Variants in ZNF532 observed in about 807,000 individuals in gnomAD.
ZNF532 encodes zinc finger protein 532.
A neutral mutation model predicts 89.3 loss-of-function variants in ZNF532; 22 were observed. The ratio of observed to expected loss-of-function variants is 0.25; its 90% CI spans 0.18 to 0.35. The LOEUF (loss-of-function observed/expected upper bound fraction) is 0.35, where lower values mean the gene tolerates loss of function less well. Among genes scored for constraint, ZNF532 ranks in the 10% least tolerant of loss-of-function variants. The pLI is 1.00. For missense variants in ZNF532, 1,132 were observed against 1,643.4 expected, an observed-to-expected ratio of 0.69 and a Z score of 5.38; for synonymous variants, 606 against 649.6, an observed-to-expected ratio of 0.93 and a Z score of 1.02.
intron 2 of ZNF532, among the ~76,000 whole-genome samples, chr18:58,889,512 A>G (rs777172227): frequency 1.3e-5 from 2 of 152,132 alleles, no homozygotes; most frequent in Non-Finnish European, 2.9e-5. Flanking sequence ...AGAAATACAA[A>G]CTCTTGGCCG....
intron 4 of ZNF532, among the ~76,000 whole-genome samples, 184 bp from the exon 5 acceptor site, chr18:58,939,246 CAAAAAAAAAAAAAAA>C (rs71336307): frequency 0.013 from 445 of 34,546 alleles, 14 homozygotes; most frequent in African/African-American, 0.039. Flanking sequence ...GACGTTGTCT[CAAAAAAAAAAAAAAA>C]AAAAAAAAAA....
chr18:58,950,993 G>T (rs1157796883), intron 6 of ZNF532, among the ~76,000 whole-genome samples: 1 of 149,984 alleles, frequency 6.7e-6, no homozygotes, highest in Non-Finnish European at 1.5e-5. Context: ...GTCTCACTCT[G>T]TTGCCCCGGT....
intron 2 of ZNF532, among the ~76,000 whole-genome samples, chr18:58,908,280 T>C (rs1246416104): frequency 3.3e-5 from 5 of 152,178 alleles, no homozygotes; most frequent in Non-Finnish European, 7.4e-5. Flanking sequence ...CTCCCACTTA[T>C]TGTTTGTGTG....
intron 7 of ZNF532, among the ~76,000 whole-genome samples, chr18:58,971,359 ATGAT>A (rs1238933776): frequency 9.2e-5 from 14 of 152,336 alleles, no homozygotes; most frequent in Admixed American, 4.6e-4. Context: ...TTGGTTCTGA[ATGAT>A]TGAGACTTGT....
At chr18:58,930,923 G>A (rs553661234) in intron 3 of ZNF532, among the ~76,000 whole-genome samples, 1 of 152,118 alleles carries the variant, frequency 6.6e-6, no homozygotes, top group African/African-American at 2.4e-5. Context: ...TGAATACATA[G>A]ATGCAGAACC....
chr18:58,886,161 A>G (rs1252181306), intron 2 of ZNF532, among the ~76,000 whole-genome samples: 1 of 151,382 alleles, frequency 6.6e-6, no homozygotes, highest in Admixed American at 6.6e-5. Context: ...ATTTTTTTTT[A>G]GTAGAGACAG....
chr18:58,870,351 A>G (rs979869183), intron 2 of ZNF532, among the ~76,000 whole-genome samples: 8 of 152,186 alleles, frequency 5.3e-5, no homozygotes, highest in Non-Finnish European at 1.0e-4. Flanking sequence ...CCTCATGCCA[A>G]GCGTCCACAG....
At chr18:58,906,915 T>C (rs1305570170) in intron 2 of ZNF532, among the ~76,000 whole-genome samples, 1 of 152,240 alleles carries the variant, frequency 6.6e-6, no homozygotes, top group Non-Finnish European at 1.5e-5. Context: ...TACAGATTTA[T>C]GAACCATAGT....
intron 2 of ZNF532, among the ~76,000 whole-genome samples, chr18:58,874,733 G>A (rs2057294721): frequency 6.6e-6 from 1 of 152,208 alleles, no homozygotes; most frequent in Non-Finnish European, 1.5e-5. Flanking sequence ...GTCTGTGGGT[G>A]CAATTTACGT....
chr18:58,961,042 G>T (rs2065295074), intron 7 of ZNF532, among the ~76,000 whole-genome samples: 1 of 152,168 alleles, frequency 6.6e-6, no homozygotes, highest in Admixed American at 6.5e-5. Flanking sequence ...TCATATCAAG[G>T]AAAGCTAACA....
intron 5 of ZNF532, among the ~76,000 whole-genome samples, chr18:58,943,014 G>T (rs567439670): frequency 6.6e-6 from 1 of 152,242 alleles, no homozygotes; most frequent in Non-Finnish European, 1.5e-5. Context: ...CATTTACTCT[G>T]TGCTGGGTAC....
chr18:58,981,487 G>C lies in ZNF532; in HGVS notation c.3281G>C (p.Arg1094Thr). Residue 1094 changes from arginine (R) to threonine (T), a missense_variant, in exon 9 of 10, where the codon AGA becomes ACA. Around this residue, in one of 9 missense-constraint regions of ZNF532, gnomAD observed 415 missense variants for 604.8 expected, o/e 0.69. Transcript: ENST00000591808. The part of the protein sequence containing the change: ...VYACSHCPDS[R>T]RTFTKRLMLE... Reference sequence around the variant, plus strand: ...CCCCACAGGCACTGCCCAGACTCCAGACGTACCTTTACCAAACGTTTGATG... The same window carrying C: ...CCCCACAGGCACTGCCCAGACTCCACACGTACCTTTACCAAACGTTTGATG... The C allele has an allele frequency of 2.5e-6, 4 of 1,613,032 alleles. No individual in the cohort carries two copies. The highest frequency in any genetic ancestry group is 3.4e-6 in the Non-Finnish European group (4 of 1,179,940).
At chr18:58,920,916 G>A (rs564480056) in intron 3 of ZNF532, among the ~76,000 whole-genome samples, 6 of 151,938 alleles carry the variant, frequency 3.9e-5, no homozygotes, top group Non-Finnish European at 7.4e-5. Context: ...GGTAGCAGGA[G>A]TGGTAGTGGC....
At chr18:58,868,796 T>C (rs550315900) in intron 2 of ZNF532, among the ~76,000 whole-genome samples, 1 of 152,254 alleles carries the variant, frequency 6.6e-6, no homozygotes, top group Admixed American at 6.5e-5. Flanking sequence ...TTTTGCTAAA[T>C]GCAGTCACGT....
chr18:58,950,160 T>C (rs2064023350), intron 6 of ZNF532, among the ~76,000 whole-genome samples: 1 of 152,048 alleles, frequency 6.6e-6, no homozygotes, highest in South Asian at 2.1e-4. Context: ...GCTTTTAAGG[T>C]ATTTGGTTTC....
At chr18:58,963,851 G>A (rs1478069593) in intron 7 of ZNF532, among the ~76,000 whole-genome samples, 2 of 150,496 alleles carry the variant, frequency 1.3e-5, no homozygotes, top group Non-Finnish European at 3.0e-5. Context: ...AATTTAAAAG[G>A]TGCTCACCCA....
At chr18:58,890,988 G>A (rs1438423294) in intron 2 of ZNF532, among the ~76,000 whole-genome samples, 3 of 151,996 alleles carry the variant, frequency 2.0e-5, no homozygotes, top group East Asian at 1.9e-4. Context: ...GGAACTACAC[G>A]CATGCCACCG....
At chr18:58,966,845 T>C (rs1603309224) in intron 7 of ZNF532, among the ~76,000 whole-genome samples, 1 of 151,868 alleles carries the variant, frequency 6.6e-6, no homozygotes, top group Admixed American at 6.6e-5. Context: ...CATTTTTCTG[T>C]AAACTCACCC....
chr18:58,963,821 CAAA>C (rs58734985), intron 7 of ZNF532, among the ~76,000 whole-genome samples: 19 of 82,716 alleles, frequency 2.3e-4, no homozygotes, highest in South Asian at 3.8e-4. Flanking sequence ...GACCCTGTCT[CAAA>C]AAAAAAAAAA....
Sources: allele counts gnomAD v4.1 joint callset (sites outside exome capture counted in the v4.1 genomes callset), GRCh38; gene constraint gnomAD v4.1.1; regional missense constraint gnomAD v4.1.1; transcripts MANE v1.5; gene names NCBI Gene and HGNC (gene_info 2026-07-23, HGNC 2026-07-21).